MAJIN: variants seen among roughly 807,000 people sequenced by gnomAD.
MAJIN encodes membrane-anchored junction protein.
In MAJIN, 27 loss-of-function variants were observed where a neutral mutation model predicts 30.2. The ratio of observed to expected loss-of-function variants is 0.89; its 90% CI spans 0.66 to 1.23. The LOEUF (loss-of-function observed/expected upper bound fraction) is 1.23. Ranked by LOEUF, MAJIN falls within the 50% of genes most tolerant of loss-of-function variation. MAJIN has a pLI of 0.00. For synonymous variants in MAJIN, 78 were observed against 91.6 expected (o/e 0.85, Z 0.85); for missense variants, 253 against 260.3 (o/e 0.97, Z 0.19).
At position 64,948,373 on chromosome 11, in the gene MAJIN, A is replaced by G. The variant is rs776585395; in HGVS notation, c.350-554T>C. 3.0e-4 allele frequency among the ~76,000 whole-genome samples: 46 copies of G among 151,906 alleles called. 1 individual carries two copies. Among genetic ancestry groups the G allele is most frequent in the Non-Finnish European group, 5.9e-5 (4 of 67,958 alleles). On this transcript the variant is annotated intron_variant, in intron 6 of 10. Transcript: ENST00000301896. ...TAAAAAAGAAAAAAGGTAGAACTTCAGCTACCTGTGACAAATGAAAAGGGG... is the reference window on the plus strand; with the variant it reads ...TAAAAAAGAAAAAAGGTAGAACTTCGGCTACCTGTGACAAATGAAAAGGGG...
chr11:64,943,635 C>T (rs1407690941), intron 8 of MAJIN, among the ~76,000 whole-genome samples: 1 of 152,140 alleles, frequency 6.6e-6, no homozygotes, highest in African/African-American at 2.4e-5. Context: ...GTCTTTAGGC[C>T]TTGAGTCAAA....
chr11:64,967,205 C>T (rs545783428), intron 1 of MAJIN, among the ~76,000 whole-genome samples: 2 of 151,878 alleles, frequency 1.3e-5, no homozygotes, highest in East Asian at 1.9e-4. Flanking sequence ...GTCAGGAGTT[C>T]GAGACGAACC....
intron 3 of MAJIN, among the ~76,000 whole-genome samples, chr11:64,956,001 T>C (rs1945625345): frequency 6.6e-6 from 1 of 152,054 alleles, no homozygotes; most frequent in Admixed American, 6.6e-5. Flanking sequence ...ACCCTGTCTC[T>C]ACTAAAAATA....
At chr11:64,947,511 C>T (rs779073153) in intron 7 of MAJIN, 46 bp from the exon 8 acceptor site, 5 of 1,568,518 alleles carry the variant, frequency 3.2e-6, no homozygotes, top group Non-Finnish European at 4.4e-6. Context: ...TCCAGAGTTG[C>T]TCACAGTTCA....
chr11:64,954,920 A>C, intron 3 of MAJIN, 118 bp from the exon 4 acceptor site: 1 of 913,338 alleles, frequency 1.1e-6, no homozygotes, highest in South Asian at 1.7e-5. Context: ...CATAAGTAAA[A>C]CTGTGTAAGC....
chr11:64,946,585 G>A (rs1945456171), intron 8 of MAJIN, among the ~76,000 whole-genome samples: 1 of 152,094 alleles, frequency 6.6e-6, no homozygotes, highest in Non-Finnish European at 1.5e-5. Flanking sequence ...AGAGCATGGG[G>A]TCAGCTTCCT....
At chr11:64,950,257 G>A (rs1297575514) in intron 5 of MAJIN, 98 bp downstream of exon 5, 4 of 1,025,096 alleles carry the variant, frequency 3.9e-6, no homozygotes, top group Admixed American at 2.7e-5. Flanking sequence ...TTGAACCTGG[G>A]AGGCTGAGGT....
At chr11:64,939,569 T>C in intron 10 of MAJIN, 93 bp downstream of exon 10, 1 of 1,129,460 alleles carries the variant, frequency 8.9e-7, no homozygotes, top group Non-Finnish European at 1.3e-6. Context: ...CTGTAAGTAA[T>C]CTGCTTTCTT....
At chr11:64,964,774 A>G (rs958731290) in intron 1 of MAJIN, among the ~76,000 whole-genome samples, 2 of 151,912 alleles carry the variant, frequency 1.3e-5, no homozygotes, top group African/African-American at 2.4e-5. Flanking sequence ...TTCTGTAGAT[A>G]TGGGGTTTCG....
At chr11:64,961,952 C>A (rs1428585576) in intron 1 of MAJIN, among the ~76,000 whole-genome samples, 1 of 151,980 alleles carries the variant, frequency 6.6e-6, no homozygotes, top group Non-Finnish European at 1.5e-5. Flanking sequence ...CCATGCCCAG[C>A]TAATTTTTAA....
At chr11:64,950,573 T>C in intron 4 of MAJIN, 143 bp from the exon 5 acceptor site, 1 of 646,530 alleles carries the variant, frequency 1.5e-6, no homozygotes. Context: ...TGATTCTCCA[T>C]TTCTTTTTCT....
Position 64,944,797 on chromosome 11 carries a change from A to G in MAJIN, c.473+2577T>C, listed in dbSNP as rs538470449. The stretch of plus-strand genomic sequence containing the variant: ...TTAGGGTCACAGCAACTTTGGAGAC[A>G]TAGAGAAAAAAAGGAAGGATCTTTA... On this transcript the variant is annotated intron_variant, in intron 8 of 10. Transcript: ENST00000301896. Among the ~76,000 whole-genome samples, 30 of 152,326 alleles carry G rather than the reference A, an allele frequency of 2.0e-4. 1 individual carries two copies. The highest frequency in any genetic ancestry group is 7.0e-4 in the African/African-American group (29 of 41,568).
chr11:64,953,433 G>C (rs896190813), intron 4 of MAJIN, among the ~76,000 whole-genome samples: 1 of 152,080 alleles, frequency 6.6e-6, no homozygotes, highest in Non-Finnish European at 1.5e-5. Context: ...TTATGCTTCC[G>C]TGAGCTTTTC....
intron 3 of MAJIN, among the ~76,000 whole-genome samples, chr11:64,956,752 A>T (rs1050637905): frequency 6.7e-6 from 1 of 149,226 alleles, no homozygotes; most frequent in East Asian, 2.0e-4. Context: ...AACTACAAAT[A>T]CATATAAGCT....
chr11:64,963,411 G>A (rs111538249), intron 1 of MAJIN, among the ~76,000 whole-genome samples: 1 of 152,308 alleles, frequency 6.6e-6, no homozygotes, highest in African/African-American at 2.4e-5. Flanking sequence ...GCTATATGAG[G>A]ATAATAATAT....
In MAJIN at chr11:64,963,008, T is replaced by C. The variant is rs2136810928; in HGVS notation, c.-64-2873A>G. The stretch of plus-strand genomic sequence containing the variant: ...CGGGCGTGGTGGGGGGCACCTGCAA[T>C]CCCAGCTACTCGGGAGGCTAAAACA... On this transcript the variant is annotated intron_variant, in intron 1 of 10. Transcript: ENST00000301896. 2.6e-5 allele frequency among the ~76,000 whole-genome samples: 4 copies of C among 152,160 alleles called. 1 individual carries two copies. Among genetic ancestry groups the C allele is most frequent in the Middle Eastern group, 6.8e-3 (2 of 294 alleles).
chr11:64,942,266 C>T (rs901778055), intron 8 of MAJIN, among the ~76,000 whole-genome samples: 3 of 151,156 alleles, frequency 2.0e-5, no homozygotes, highest in Non-Finnish European at 4.4e-5. Flanking sequence ...GAATTTTTTT[C>T]CCGTTTTTTA....
At chr11:64,971,826 CAG>C (rs1416133946) in intron 1 of MAJIN, 49 bp downstream of exon 1, 2 of 152,412 alleles carry the variant, frequency 1.3e-5, no homozygotes, top group African/African-American at 2.4e-5. Flanking sequence ...CAGAAATAAA[CAG>C]AAACGCAAAG....
intron 2 of MAJIN, 135 bp downstream of exon 2, chr11:64,959,954 T>A (rs888206285): frequency 1.3e-5 from 2 of 152,934 alleles, no homozygotes; most frequent in African/African-American, 4.8e-5. Context: ...ATGTAGCAAA[T>A]AAGGATGTAC....
Sources: allele counts gnomAD v4.1 joint callset (sites outside exome capture counted in the v4.1 genomes callset), GRCh38; gene constraint gnomAD v4.1.1; transcripts MANE v1.5; gene names NCBI Gene and HGNC (gene_info 2026-07-23, HGNC 2026-07-21).